GTF2H1: variants seen among roughly 807,000 people sequenced by gnomAD.
GTF2H1 encodes BTF2 p62.
A neutral mutation model predicts 71.2 loss-of-function variants in GTF2H1; 16 were observed. The ratio of observed to expected loss-of-function variants is 0.22; its 90% CI spans 0.15 to 0.34. GTF2H1 has a LOEUF of 0.34. Among genes scored for constraint, GTF2H1 ranks in the 10% least tolerant of loss-of-function variants. GTF2H1 has a pLI of 1.00. For missense variants in GTF2H1, 498 were observed against 648.2 expected, an observed-to-expected ratio of 0.77 and a Z score of 2.52; for synonymous variants, 215 against 219.0, an observed-to-expected ratio of 0.98 and a Z score of 0.16.
chr11:18,339,788 C>G, intron 5 of GTF2H1, 131 bp downstream of exon 5: 1 of 598,452 alleles, frequency 1.7e-6, no homozygotes, highest in South Asian at 2.1e-5. Context: ...TACCCAGTGC[C>G]TGACATATGG....
At chr11:18,333,936 C>G (rs1286238220) in intron 2 of GTF2H1, among the ~76,000 whole-genome samples, 1 of 152,176 alleles carries the variant, frequency 6.6e-6, no homozygotes, top group Non-Finnish European at 1.5e-5. Flanking sequence ...GTGGTGGAAT[C>G]TCTTTTTATA....
At position 18,365,677 on chromosome 11, in the gene GTF2H1, A is replaced by C. The variant is rs1197799526; in HGVS notation, c.1561-106A>C. ...ATTACCTCATTGACTGGGGAAATACAGAGGAGCTCCGAAACTACACTCTGA... is the reference window on the plus strand; with the variant it reads ...ATTACCTCATTGACTGGGGAAATACCGAGGAGCTCCGAAACTACACTCTGA... On this transcript the variant is annotated intron_variant, in intron 14 of 14. Coordinates refer to ENST00000265963, the MANE Select transcript of GTF2H1 (RefSeq NM_005316.4). The C allele has an allele frequency of 6.8e-6, 5 of 734,482 alleles. No individual in the cohort carries two copies. The African/African-American group carries it at 6.9e-5, about 10-fold the overall frequency. 45.5% of individuals were successfully genotyped at this position (734,482 alleles called of 1,614,324 possible). A position where few individuals can be genotyped will look rare whatever the true frequency, so the allele number is the denominator to read the frequency against.
intron 1 of GTF2H1, chr11:18,325,972 C>T (rs965294907): frequency 1.3e-5 from 2 of 152,074 alleles, no homozygotes; most frequent in African/African-American, 4.8e-5. Context: ...AAGTGTTTGC[C>T]ACTCAAGGAA....
At chr11:18,357,233 A>G (rs1865576268) in intron 11 of GTF2H1, among the ~76,000 whole-genome samples, 1 of 152,168 alleles carries the variant, frequency 6.6e-6, no homozygotes, top group Admixed American at 6.5e-5. Context: ...GCCTCCCTAC[A>G]GTACCTGGCA....
chr11:18,345,762 T>C (rs1192807506), intron 7 of GTF2H1, among the ~76,000 whole-genome samples: 1 of 150,788 alleles, frequency 6.6e-6, no homozygotes, highest in African/African-American at 2.4e-5. Context: ...GTGGTGGGAT[T>C]ACAGGCGTGA....
At chr11:18,325,106 G>C (rs1431973156) in intron 1 of GTF2H1, among the ~76,000 whole-genome samples, 2 of 152,184 alleles carry the variant, frequency 1.3e-5, no homozygotes, top group Non-Finnish European at 2.9e-5. Context: ...AGATATAACA[G>C]TGCTCTCTAG....
chr11:18,365,853 T>C lies in GTF2H1; in HGVS notation c.1631T>C (p.Leu544Pro), dbSNP rs1182163477. 2 of 1,613,004 alleles carry C rather than the reference T, an allele frequency of 1.2e-6. No homozygotes were observed. Among genetic ancestry groups the C allele is most frequent in the Non-Finnish European group, 1.7e-6 (2 of 1,179,190 alleles). ...NKLHTWQSRR[L>P]MKKT ...CTCCACACATGGCAGTCACGGCGTC[T>C]GATGAAGAAAACGTGAGGTGGCCAT... The change falls in exon 15 of 15, where the codon CTG becomes CCG. Residue 544 changes from leucine (L) to proline (P), a missense_variant. Physicochemically the swap from Leu to Pro is moderately conservative, Grantham distance 98 (BLOSUM62 -3). Transcript: ENST00000265963.
rs1590192342 is a variant in GTF2H1 at position 18,347,557 on chromosome 11, T to A, written c.838-31T>A. ...TATAATAAGAAAAGCAGAACCTTTT[T>A]AAAAAATTTTTAATCTATTATTTCT... On this transcript the variant is annotated intron_variant, in intron 7 of 14. Coordinates refer to ENST00000265963, the MANE Select transcript of GTF2H1 (RefSeq NM_005316.4). The A allele has an allele frequency of 3.3e-6, 5 of 1,505,740 alleles. No individual in the cohort carries two copies. In the South Asian group the frequency reaches 5.3e-5, roughly 16 times the overall value. The allele number at this position is 1,505,740 out of a possible 1,614,324, so 93.3% of individuals were successfully genotyped here.
At chr11:18,342,688 C>T (rs1402971007) in intron 7 of GTF2H1, among the ~76,000 whole-genome samples, 3 of 152,014 alleles carry the variant, frequency 2.0e-5, no homozygotes, top group South Asian at 2.1e-4. Flanking sequence ...AGCTTAGTGG[C>T]GCTTAGACTT....
At chr11:18,323,078 A>T (rs1229202941) in intron 1 of GTF2H1, among the ~76,000 whole-genome samples, 1 of 152,176 alleles carries the variant, frequency 6.6e-6, no homozygotes, top group Non-Finnish European at 1.5e-5. Flanking sequence ...GGATTCTGTA[A>T]GAGAAAAGCT....
intron 14 of GTF2H1, among the ~76,000 whole-genome samples, chr11:18,363,660 A>G (rs1379627709): frequency 6.6e-6 from 1 of 152,212 alleles, no homozygotes; most frequent in Non-Finnish European, 1.5e-5. Flanking sequence ...ACAAAACAGC[A>G]TTACTTATAA....
chr11:18,334,175 C>T (rs987847331), intron 2 of GTF2H1, among the ~76,000 whole-genome samples: 24 of 152,118 alleles, frequency 1.6e-4, no homozygotes, highest in African/African-American at 5.8e-4. Flanking sequence ...GTCAGGAGAT[C>T]GAGACCATCC....
chr11:18,335,673 A>C, intron 2 of GTF2H1, 81 bp from the exon 3 acceptor site: 1 of 985,902 alleles, frequency 1.0e-6, no homozygotes, highest in Non-Finnish European at 1.6e-6. Context: ...ATCCTGAATC[A>C]TCTTGGGAGA....
In GTF2H1 at chr11:18,341,624, G is replaced by T. The variant is rs373461846; in HGVS notation, c.837+17G>T. ...TTAGATGAGGTAAGAAGCAATAAAA[G>T]AAGTTTTGAGAGAAAAGAGTCTTTT... is the stretch of plus-strand genomic sequence containing the variant. On this transcript the variant is annotated intron_variant, in intron 7 of 14. Coordinates refer to ENST00000265963, the MANE Select transcript of GTF2H1 (RefSeq NM_005316.4). 1.8e-5 allele frequency: 27 copies of T among 1,487,398 alleles called. No homozygotes were observed. Among genetic ancestry groups the T allele is most frequent in the Non-Finnish European group, 2.4e-5 (26 of 1,076,482 alleles). 92.1% of individuals were successfully genotyped at this position (1,487,398 alleles called of 1,614,324 possible).
chr11:18,339,369 G>T (rs1474294067), intron 4 of GTF2H1, among the ~76,000 whole-genome samples, 195 bp from the exon 5 acceptor site: 1 of 152,142 alleles, frequency 6.6e-6, no homozygotes, highest in Non-Finnish European at 1.5e-5. Flanking sequence ...GATTTTATAG[G>T]TCACTTAAGA....
At chr11:18,350,126 C>T (rs1052768954) in intron 9 of GTF2H1, among the ~76,000 whole-genome samples, 3 of 152,174 alleles carry the variant, frequency 2.0e-5, no homozygotes, top group Non-Finnish European at 2.9e-5. Flanking sequence ...TCTTCCAAGT[C>T]AGTGGTTGAC....
At chr11:18,329,927 T>C (rs1458693853) in intron 1 of GTF2H1, among the ~76,000 whole-genome samples, 3 of 152,208 alleles carry the variant, frequency 2.0e-5, no homozygotes, top group Non-Finnish European at 4.4e-5. Context: ...TATGAAATCC[T>C]AGAACAGATA....
intron 13 of GTF2H1, among the ~76,000 whole-genome samples, chr11:18,359,879 T>C (rs568047635): frequency 4.6e-5 from 7 of 151,634 alleles, no homozygotes; most frequent in Middle Eastern, 3.4e-3. Flanking sequence ...CCGGGCACTT[T>C]GGGAGGCCAA....
chr11:18,349,969 T>G (rs147489838), intron 9 of GTF2H1, among the ~76,000 whole-genome samples: 11 of 152,320 alleles, frequency 7.2e-5, no homozygotes, highest in African/African-American at 2.6e-4. Context: ...ATACTGAAAG[T>G]GAAAAACAAT....
Sources: gnomAD v4.1 joint callset for allele counts (sites outside exome capture counted in the v4.1 genomes callset) on GRCh38, gnomAD v4.1.1 for gene constraint, MANE v1.5 for transcripts, NCBI Gene and HGNC (gene_info 2026-07-23, HGNC 2026-07-21) for gene names.